The following ADGRD1 variants were observed in gnomAD, a reference collection of about 807,000 sequenced individuals.
The protein encoded by ADGRD1 is G-protein coupled receptor 133.
ADGRD1 carries 77 observed loss-of-function variants against 113.4 expected under a neutral mutation model. The observed-to-expected ratio is 0.68, with a 90% CI of 0.57 to 0.82. ADGRD1 has a LOEUF of 0.82. Ranked by LOEUF, ADGRD1 falls within the 40% of genes least tolerant of loss-of-function variation. The pLI, the probability that ADGRD1 is intolerant of heterozygous loss-of-function variation, is 0.00. For synonymous variants in ADGRD1, 474 were observed against 475.0 expected (o/e 1.00, Z 0.03); for missense variants, 1,036 against 1,139.1 (o/e 0.91, Z 1.30).
chr12:130,987,897 C>T (rs1593301385), intron 6 of ADGRD1: 2 of 137,256 alleles, frequency 1.5e-5, no homozygotes, highest in African/African-American at 5.1e-5. Context: ...CAAGTCAGTA[C>T]ACTTGGCACA....
chr12:131,137,878 C>T (rs903523762), intron 23 of ADGRD1: 13 of 377,032 alleles, frequency 3.4e-5, no homozygotes, highest in South Asian at 8.6e-5. Flanking sequence ...ACACTCACCC[C>T]GGGACATTCA....
chr12:131,020,613 A>G (rs1879215548), intron 13 of ADGRD1, among the ~76,000 whole-genome samples: 1 of 152,238 alleles, frequency 6.6e-6, no homozygotes, highest in South Asian at 2.1e-4. Context: ...TGAACGAGGC[A>G]GTTGCCCGAG....
chr12:131,039,958 A>G (rs1881949403), intron 13 of ADGRD1, among the ~76,000 whole-genome samples: 1 of 152,120 alleles, frequency 6.6e-6, no homozygotes, highest in African/African-American at 2.4e-5. Context: ...CGCAGATAGG[A>G]TCATTCTGTC....
chr12:130,992,310 T>C lies in ADGRD1; in HGVS notation c.884T>C (p.Val295Ala). The C allele has an allele frequency of 1.2e-6, 2 of 1,612,136 alleles. No individual in the cohort carries two copies. The highest frequency in any genetic ancestry group is 1.7e-6 in the Non-Finnish European group (2 of 1,178,420). The change falls in exon 8 of 25, where the codon GTG becomes GCG. Residue 295 changes from valine to alanine, a missense_variant. Coordinates refer to ENST00000261654, the MANE Select transcript of ADGRD1 (RefSeq NM_198827.5). ...AGAAAAACCTTCCAAAGTCCCGGAG[T>C]GATACTGAGTTACCTCCAAAATGTA... ...EERKTFQSPG[V>A]ILSYLQNVSL...
intron 8 of ADGRD1, among the ~76,000 whole-genome samples, chr12:130,996,968 C>T (rs1193763348): frequency 7.3e-6 from 1 of 137,792 alleles, no homozygotes. Flanking sequence ...GGGCTGACCC[C>T]CCAACCTCCC....
At chr12:131,092,996 G>A (rs868453672) in intron 15 of ADGRD1, among the ~76,000 whole-genome samples, 6 of 151,358 alleles carry the variant, frequency 4.0e-5, no homozygotes, top group Non-Finnish European at 8.8e-5. Context: ...CACTCAGGGC[G>A]AGGTCCCCAG....
chr12:131,048,395 A>G (rs1252452649), intron 13 of ADGRD1, among the ~76,000 whole-genome samples: 3 of 152,148 alleles, frequency 2.0e-5, no homozygotes, highest in African/African-American at 7.2e-5. Context: ...GCAGCCGCCC[A>G]TCCTCGGGTG....
At chr12:130,982,459 C>T (rs1348653206) in intron 5 of ADGRD1, among the ~76,000 whole-genome samples, 2 of 152,356 alleles carry the variant, frequency 1.3e-5, no homozygotes, top group Admixed American at 1.3e-4. Context: ...TCTTTTCCTT[C>T]TCATTTTCCC....
intron 13 of ADGRD1, among the ~76,000 whole-genome samples, chr12:131,061,193 G>A (rs535902774): frequency 6.6e-6 from 1 of 152,296 alleles, no homozygotes; most frequent in African/African-American, 2.4e-5. Context: ...GCCCCCAAAA[G>A]TCCCTGTGTT....
chr12:131,117,325 A>G (rs1950490421), intron 18 of ADGRD1, among the ~76,000 whole-genome samples: 2 of 152,236 alleles, frequency 1.3e-5, no homozygotes, highest in Non-Finnish European at 2.9e-5. Flanking sequence ...TGAACTGGCT[A>G]AGGCAAAAAG....
intron 13 of ADGRD1, among the ~76,000 whole-genome samples, chr12:131,038,326 A>C (rs1881757806): frequency 6.6e-6 from 1 of 152,230 alleles, no homozygotes; most frequent in African/African-American, 2.4e-5. Context: ...CAGATGGCGC[A>C]GGGCAGCCAT....
chr12:130,995,188 G>A (rs1238562921), intron 8 of ADGRD1, among the ~76,000 whole-genome samples: 1 of 152,174 alleles, frequency 6.6e-6, no homozygotes, highest in African/African-American at 2.4e-5. Context: ...GACAAAGTAG[G>A]ACAAGCAGAA....
intron 18 of ADGRD1, 147 bp from the exon 19 acceptor site, chr12:131,118,238 G>T: frequency 1.6e-6 from 1 of 616,940 alleles, no homozygotes. Context: ...GGGCTGTTCT[G>T]TGTCCCAACA....
intron 2 of ADGRD1, among the ~76,000 whole-genome samples, chr12:130,958,217 T>G (rs1869901250): frequency 7.0e-6 from 1 of 142,532 alleles, no homozygotes; most frequent in Non-Finnish European, 1.5e-5. Context: ...CTTTTTTTTT[T>G]GAGACAGACT....
chr12:131,013,949 G>A (rs1007733296), intron 12 of ADGRD1, among the ~76,000 whole-genome samples: 3 of 152,216 alleles, frequency 2.0e-5, no homozygotes, highest in East Asian at 1.9e-4. Context: ...ACACCTTAAC[G>A]AGAGCAGGTA....
intron 2 of ADGRD1, among the ~76,000 whole-genome samples, chr12:130,961,122 A>C (rs1870303421): frequency 6.6e-6 from 1 of 152,246 alleles, no homozygotes; most frequent in African/African-American, 2.4e-5. Flanking sequence ...ATTTCCCTGC[A>C]GGAAACCAAG....
At chr12:131,037,828 T>TG (rs71451395) in intron 13 of ADGRD1, among the ~76,000 whole-genome samples, 16,080 of 121,920 alleles carry the variant, frequency 0.13, 1,452 homozygotes, top group African/African-American at 0.18. Flanking sequence ...ACTCACTGCA[T>TG]GGGGCCTCAC....
intron 8 of ADGRD1, among the ~76,000 whole-genome samples, chr12:130,993,348 G>A (rs1020869042): frequency 1.3e-5 from 2 of 151,102 alleles, no homozygotes; most frequent in South Asian, 2.1e-4. Context: ...TTCTGTCCAC[G>A]TAAGAGAAGT....
intron 20 of ADGRD1, among the ~76,000 whole-genome samples, chr12:131,121,221 C>T (rs1046289046): frequency 3.3e-5 from 5 of 152,184 alleles, no homozygotes; most frequent in Non-Finnish European, 5.9e-5. Context: ...CCCCATCCTC[C>T]GGTGCCTTCT....
Sources: allele counts gnomAD v4.1 joint callset (sites outside exome capture counted in the v4.1 genomes callset), GRCh38; gene constraint gnomAD v4.1.1; transcripts MANE v1.5; gene names NCBI Gene and HGNC (gene_info 2026-07-23, HGNC 2026-07-21).